The following HECW1 variants were observed in gnomAD, a reference collection of about 807,000 sequenced individuals.
HECW1 encodes the protein HECT, C2 and WW domain containing E3 ubiquitin protein ligase 1.
In HECW1, 61 loss-of-function variants were observed where a neutral mutation model predicts 182.3. The ratio of observed to expected loss-of-function variants is 0.33; its 90% CI spans 0.27 to 0.41. The LOEUF is 0.41. Among genes scored for constraint, HECW1 ranks in the 10% least tolerant of loss-of-function variants. The pLI is 1.00. For missense variants in HECW1, 1,739 were observed against 2,108.9 expected (o/e 0.82, Z 3.44); for synonymous variants, 859 against 832.6 (o/e 1.03, Z -0.55).
intron 3 of HECW1, chr7:43,274,471 C>T (rs759509813): frequency 3.7e-5 from 23 of 623,122 alleles, no homozygotes; most frequent in Non-Finnish European, 6.5e-5. Flanking sequence ...CACCATGGGC[C>T]GGCACCGCAC....
intron 2 of HECW1, among the ~76,000 whole-genome samples, chr7:43,149,745 A>T (rs562560847): frequency 3.5e-4 from 54 of 152,324 alleles, no homozygotes; most frequent in African/African-American, 1.3e-3. Flanking sequence ...ATATTTACAG[A>T]TATATTCTTC....
intron 6 of HECW1, among the ~76,000 whole-genome samples, chr7:43,390,548 AC>A (rs200861371): frequency 0.027 from 3,957 of 147,988 alleles, 108 homozygotes; most frequent in Middle Eastern, 0.092. Context: ...AAAAAAAAAA[AC>A]AAAAAAAAAA....
chr7:43,208,281 A>G (rs1795674732), intron 2 of HECW1, among the ~76,000 whole-genome samples: 1 of 152,166 alleles, frequency 6.6e-6, no homozygotes, highest in South Asian at 2.1e-4. Flanking sequence ...ATGGCTAGAC[A>G]TTTCATTGTA....
At chr7:43,330,017 G>A (rs1259135300) in intron 5 of HECW1, among the ~76,000 whole-genome samples, 4 of 152,122 alleles carry the variant, frequency 2.6e-5, no homozygotes, top group Non-Finnish European at 4.4e-5. Flanking sequence ...GAATTCCATC[G>A]AGGAGCAAGA....
At chr7:43,497,459 A>T (rs2152922122) in intron 19 of HECW1, among the ~76,000 whole-genome samples, 1 of 152,300 alleles carries the variant, frequency 6.6e-6, no homozygotes, top group East Asian at 1.9e-4. Flanking sequence ...CTGTGTTTTT[A>T]GTGACCACAG....
intron 8 of HECW1, among the ~76,000 whole-genome samples, chr7:43,427,512 G>A (rs1295529771): frequency 6.6e-6 from 1 of 152,180 alleles, no homozygotes; most frequent in Admixed American, 6.5e-5. Context: ...TTTGTTCAAA[G>A]TATATCTCTA....
rs539361946 is a variant in HECW1 at position 43,481,283 on chromosome 7, G to A, written c.3234+1539G>A. On this transcript the variant is annotated intron_variant, in intron 17 of 29. Coordinates refer to ENST00000395891, the MANE Select transcript of HECW1 (RefSeq NM_015052.5). ...AAGGTGGGTTGTCTTGAGATTATAG[G>A]GAATAAATTCAAAATTCTTCATGAA... is the stretch of plus-strand genomic sequence containing the variant. Among the ~76,000 whole-genome samples, 4 of 152,044 alleles carry A rather than the reference G, an allele frequency of 2.6e-5. No homozygotes were observed. In the South Asian group the frequency reaches 8.3e-4, roughly 32 times the overall value.
chr7:43,392,963 G>C (rs1482388349), intron 6 of HECW1, among the ~76,000 whole-genome samples: 1 of 152,156 alleles, frequency 6.6e-6, no homozygotes, highest in African/African-American at 2.4e-5. Context: ...AAAGGCAATT[G>C]TAGAGAGAAA....
At chr7:43,377,743 C>T (rs2152824715) in intron 6 of HECW1, 2 of 207,152 alleles carry the variant, frequency 9.7e-6, no homozygotes, top group South Asian at 1.9e-4. Flanking sequence ...GTGTAAAGGC[C>T]CTTATCTGTG....
At chr7:43,428,608 A>G (rs935003905) in intron 8 of HECW1, among the ~76,000 whole-genome samples, 2 of 152,250 alleles carry the variant, frequency 1.3e-5, no homozygotes, top group Non-Finnish European at 2.9e-5. Flanking sequence ...CTGATTGGAT[A>G]TGGGCTCCTG....
At chr7:43,250,593 C>T (rs115272747) in intron 3 of HECW1, among the ~76,000 whole-genome samples, 2,133 of 152,238 alleles carry the variant, frequency 0.014, 49 homozygotes, top group African/African-American at 0.048. Context: ...GCGCCAGGAA[C>T]GTCCTGTGTG....
intron 16 of HECW1, among the ~76,000 whole-genome samples, chr7:43,476,248 C>T (rs2078216161): frequency 6.6e-6 from 1 of 152,048 alleles, no homozygotes; most frequent in African/African-American, 2.4e-5. Context: ...GGTTATAAAA[C>T]ATTATAGGAA....
intron 2 of HECW1, among the ~76,000 whole-genome samples, chr7:43,213,624 T>C (rs1266767438): frequency 6.6e-6 from 1 of 151,818 alleles, no homozygotes; most frequent in East Asian, 1.9e-4. Flanking sequence ...TTTTTGTATT[T>C]TTAGTAGAGG....
In HECW1 at chr7:43,114,159, A is replaced by G. The variant is rs1784860081; in HGVS notation, c.-264A>G. On this transcript the variant is annotated splice_region_variant and 5_prime_UTR_variant, in exon 2 of 30. In the 5' UTR this introduces an upstream ATG that the reference lacks. Transcript: ENST00000395891. ...TTTCCCCCCTTCTCTTTGAAAAGATATCAATGCTATGTTCAGCAGAAACGG... is the reference window on the plus strand; with the variant it reads ...TTTCCCCCCTTCTCTTTGAAAAGATGTCAATGCTATGTTCAGCAGAAACGG... 5 of 1,019,662 alleles carry G rather than the reference A, an allele frequency of 4.9e-6. No homozygotes were observed. Among genetic ancestry groups the G allele is most frequent in the Admixed American group, 3.2e-5 (1 of 31,156 alleles). 63.2% of individuals were successfully genotyped at this position (1,019,662 alleles called of 1,614,324 possible).
At chr7:43,153,688 T>C (rs1209322886) in intron 2 of HECW1, among the ~76,000 whole-genome samples, 3 of 152,206 alleles carry the variant, frequency 2.0e-5, no homozygotes, top group African/African-American at 7.2e-5. Flanking sequence ...TTTACTTAGT[T>C]GTCCAGACGT....
chr7:43,309,603 C>T (rs1808246161), intron 3 of HECW1, among the ~76,000 whole-genome samples: 1 of 152,196 alleles, frequency 6.6e-6, no homozygotes, highest in Admixed American at 6.5e-5. Context: ...TTATCTTAGG[C>T]TCTTCATCAT....
intron 16 of HECW1, among the ~76,000 whole-genome samples, chr7:43,475,627 T>G (rs2078191217): frequency 6.6e-6 from 1 of 152,226 alleles, no homozygotes; most frequent in African/African-American, 2.4e-5. Flanking sequence ...CACAGCTCAC[T>G]GCAGCCTCGA....
chr7:43,221,714 C>T (rs1408461543), intron 2 of HECW1, among the ~76,000 whole-genome samples: 2 of 151,564 alleles, frequency 1.3e-5, no homozygotes, highest in African/African-American at 2.4e-5. Flanking sequence ...CCACCACGCC[C>T]GGCTAATTTT....
chr7:43,450,985 G>T, intron 12 of HECW1, 56 bp downstream of exon 12: 1 of 1,222,288 alleles, frequency 8.2e-7, no homozygotes, highest in Non-Finnish European at 1.2e-6. Context: ...GTCTAAGCAG[G>T]TCAGTATGAA....
Sources: gnomAD v4.1 joint callset for allele counts (sites outside exome capture counted in the v4.1 genomes callset) on GRCh38, gnomAD v4.1.1 for gene constraint, MANE v1.5 for transcripts, NCBI Gene and HGNC (gene_info 2026-07-23, HGNC 2026-07-21) for gene names.